TENM3: variants seen among roughly 807,000 people sequenced by gnomAD.
TENM3 encodes the protein teneurin-3.
Under a neutral mutation model 255.1 loss-of-function variants are expected in TENM3, and 63 were observed. That is an observed-to-expected ratio of 0.25 (90% CI 0.20 to 0.30). The LOEUF is 0.30. Ranked by LOEUF, TENM3 falls within the 10% of genes least tolerant of loss-of-function variation. The pLI is 1.00. For synonymous variants in TENM3, 1,306 were observed against 1,322.3 expected (o/e 0.99, Z 0.27); for missense variants, 2,929 against 3,461.1 (o/e 0.85, Z 3.86).
At chr4:182,446,286 A>G (rs1228474566) in intron 3 of TENM3, among the ~76,000 whole-genome samples, 1 of 152,234 alleles carries the variant, frequency 6.6e-6, no homozygotes, top group African/African-American at 2.4e-5. Flanking sequence ...ATATACATGT[A>G]GAATACTCCA....
the TENM3 span, among the ~76,000 whole-genome samples, chr4:181,678,900 C>T: frequency 6.7e-6 from 1 of 149,926 alleles, no homozygotes; most frequent in Non-Finnish European, 1.5e-5. Flanking sequence ...CCAATAAAAG[C>T]TGTAAATAAC....
chr4:181,725,693 C>T, the TENM3 span, among the ~76,000 whole-genome samples: 5 of 152,072 alleles, frequency 3.3e-5, no homozygotes, highest in Non-Finnish European at 7.3e-5. Flanking sequence ...CCACCCATCT[C>T]GGCCTCTCAA....
the TENM3 span, among the ~76,000 whole-genome samples, chr4:181,656,232 G>A: frequency 8.5e-5 from 13 of 152,132 alleles, no homozygotes; most frequent in Admixed American, 2.0e-4. Context: ...GGAGCCCCAG[G>A]CCAAGCTAAG....
chr4:182,246,592 G>T (rs972630469), intron 1 of TENM3, among the ~76,000 whole-genome samples: 2 of 152,186 alleles, frequency 1.3e-5, no homozygotes, highest in Admixed American at 6.5e-5. Context: ...ATCCCATCAC[G>T]TAAGAATGTG....
intron 7 of TENM3, among the ~76,000 whole-genome samples, chr4:182,675,151 C>T (rs903980601): frequency 1.3e-5 from 2 of 152,096 alleles, no homozygotes; most frequent in African/African-American, 4.8e-5. Context: ...GCTGGGATTA[C>T]AGGCGTGAGC....
the TENM3 span, among the ~76,000 whole-genome samples, chr4:181,803,948 AAAAAAG>A: frequency 0.22 from 30,621 of 142,088 alleles, 3,115 homozygotes; most frequent in Non-Finnish European, 0.29. Flanking sequence ...ACAAAAAAAA[AAAAAAG>A]AAAGAAAGAA....
chr4:182,418,024 A>G (rs1380441608), intron 3 of TENM3, among the ~76,000 whole-genome samples: 1 of 152,234 alleles, frequency 6.6e-6, no homozygotes, highest in Non-Finnish European at 1.5e-5. Flanking sequence ...GCCCTAAATT[A>G]TACTAAAACT....
the TENM3 span, among the ~76,000 whole-genome samples, chr4:181,598,129 G>T: frequency 6.6e-6 from 1 of 152,134 alleles, no homozygotes; most frequent in Non-Finnish European, 1.5e-5. Context: ...CTAATTTCAC[G>T]TGCTAAGCAA....
At chr4:181,739,019 C>G in the TENM3 span, among the ~76,000 whole-genome samples, 1 of 152,124 alleles carries the variant, frequency 6.6e-6, no homozygotes, top group South Asian at 2.1e-4. Flanking sequence ...CTCACTCCGT[C>G]ACTGAACCCA....
chr4:182,743,971 G>A (rs1002344113), intron 19 of TENM3, among the ~76,000 whole-genome samples: 1 of 151,814 alleles, frequency 6.6e-6, no homozygotes, highest in Admixed American at 6.6e-5. Flanking sequence ...TATTTGGTAA[G>A]CCCTAGACTA....
chr4:181,475,275 A>G, the TENM3 span, among the ~76,000 whole-genome samples: 2 of 152,354 alleles, frequency 1.3e-5, no homozygotes, highest in Middle Eastern at 3.4e-3. Flanking sequence ...CAACAAAGTC[A>G]TGCAAATAAA....
chr4:181,870,534 C>T, the TENM3 span, among the ~76,000 whole-genome samples: 5 of 152,072 alleles, frequency 3.3e-5, no homozygotes, highest in Non-Finnish European at 7.4e-5. Flanking sequence ...ATCCTTATGA[C>T]TAATGATGCA....
chr4:182,493,347 T>A (rs1045838284), intron 3 of TENM3, among the ~76,000 whole-genome samples: 4 of 152,168 alleles, frequency 2.6e-5, no homozygotes, highest in Admixed American at 6.5e-5. Flanking sequence ...GTTTAAGTAA[T>A]ATTATAAATT....
chr4:182,417,219 G>T (rs1050967155), intron 3 of TENM3, among the ~76,000 whole-genome samples: 6 of 151,778 alleles, frequency 4.0e-5, no homozygotes, highest in African/African-American at 9.7e-5. Context: ...CTCGTGATCC[G>T]CTCGTCTCGG....
the TENM3 span, among the ~76,000 whole-genome samples, chr4:181,525,231 T>C: frequency 3.3e-5 from 5 of 151,708 alleles, no homozygotes; most frequent in African/African-American, 7.3e-5. Context: ...GCCAACATGG[T>C]GAAACCCCGT....
chr4:181,859,256 A>C, the TENM3 span, among the ~76,000 whole-genome samples: 1 of 150,984 alleles, frequency 6.6e-6, no homozygotes, highest in Non-Finnish European at 1.5e-5. Context: ...AAAAAAAAAA[A>C]AAAAAAAAAA....
chr4:182,007,885 T>C, the TENM3 span, among the ~76,000 whole-genome samples: 2 of 152,230 alleles, frequency 1.3e-5, no homozygotes, highest in Admixed American at 6.5e-5. Flanking sequence ...CCATATTTAA[T>C]GCTTCTTTCA....
At chr4:182,627,244 A>G (rs1433523740) in intron 4 of TENM3, among the ~76,000 whole-genome samples, 1 of 152,102 alleles carries the variant, frequency 6.6e-6, no homozygotes, top group Non-Finnish European at 1.5e-5. Flanking sequence ...TTAAATATTA[A>G]CTCATTTAAG....
At chr4:181,683,820 G>A in the TENM3 span, among the ~76,000 whole-genome samples, 185 of 152,194 alleles carry the variant, frequency 1.2e-3, no homozygotes, top group African/African-American at 4.3e-3. Flanking sequence ...CAGAAGGTGG[G>A]GGTTCAGAGC....
Sources: allele counts gnomAD v4.1 joint callset (sites outside exome capture counted in the v4.1 genomes callset), GRCh38; gene constraint gnomAD v4.1.1; transcripts MANE v1.5; gene names NCBI Gene and HGNC (gene_info 2026-07-23, HGNC 2026-07-21).